The following CTPS1 variants were observed in gnomAD, a reference collection of about 807,000 sequenced individuals.
CTPS1 encodes CTP synthetase 1.
Under a neutral mutation model 80.5 loss-of-function variants are expected in CTPS1, and 25 were observed. That is an observed-to-expected ratio of 0.31 (90% CI 0.23 to 0.43). The LOEUF (loss-of-function observed/expected upper bound fraction) is 0.43, where lower values mean the gene tolerates loss of function less well. CTPS1 is among the 20% of genes least tolerant of loss of function. The pLI is 1.00. For synonymous variants in CTPS1, 267 were observed against 252.5 expected, an observed-to-expected ratio of 1.06 and a Z score of -0.54; for missense variants, 442 against 725.7, an observed-to-expected ratio of 0.61 and a Z score of 4.49.
rs1642941662 is a variant in CTPS1 at position 41,003,015 on chromosome 1, T to A, written c.1190-99T>A. On this transcript the variant is annotated intron_variant, in intron 11 of 18. Transcript: ENST00000650070. The stretch of plus-strand genomic sequence containing the variant: ...AGTTATGAGTTTGCAATTATAATTC[T>A]CCAAATAAAGGACACAAAGGCCATT... 5.2e-6 allele frequency: 6 copies of A among 1,155,090 alleles called. No individual in the cohort carries two copies. The Admixed American group carries it at 9.0e-5, about 17-fold the overall frequency. 71.6% of individuals were successfully genotyped at this position (1,155,090 alleles called of 1,614,324 possible).
chr1:40,986,406 G>A (rs1239699944), intron 3 of CTPS1, among the ~76,000 whole-genome samples: 1 of 152,224 alleles, frequency 6.6e-6, no homozygotes, highest in East Asian at 1.9e-4. Context: ...AGCGGGGGTG[G>A]TAGCCACAGC....
intron 9 of CTPS1, 31 bp downstream of exon 9, chr1:40,997,557 G>A: frequency 6.2e-7 from 1 of 1,609,282 alleles, no homozygotes; most frequent in South Asian, 1.1e-5. Flanking sequence ...ACAGCCAAAG[G>A]ATGAGCAGGG....
intron 10 of CTPS1, chr1:41,001,497 T>C (rs997669210): frequency 4.2e-6 from 1 of 237,542 alleles, no homozygotes; most frequent in Non-Finnish European, 8.2e-6. Context: ...ATTACGGAGG[T>C]GTACACCTTC....
chr1:40,999,528 A>G (rs1421412848), intron 9 of CTPS1, among the ~76,000 whole-genome samples: 1 of 152,210 alleles, frequency 6.6e-6, no homozygotes, highest in Non-Finnish European at 1.5e-5. Context: ...AGTCACAATG[A>G]GATAGTGACA....
intron 10 of CTPS1, 26 bp from the exon 11 acceptor site, chr1:41,002,134 C>G (rs773288990): frequency 3.7e-6 from 6 of 1,606,960 alleles, no homozygotes; most frequent in South Asian, 2.2e-5. Flanking sequence ...AGGGGAATTG[C>G]CTTTGTGGTT....
At chr1:40,993,774 C>CTTTTTTTTTTTTTTTTTTTTTT (rs71278720) in intron 7 of CTPS1, among the ~76,000 whole-genome samples, 1 of 85,772 alleles carries the variant, frequency 1.2e-5, no homozygotes, top group African/African-American at 4.1e-5. Flanking sequence ...TTTCTTCTCT[C>CTTTTTTTTTTTTTTTTTTTTTT]TTTTTTTTTT....
Position 41,007,057 on chromosome 1 carries a change from C to T in CTPS1, c.1297-392C>T, listed in dbSNP as rs1003973787. 6.6e-6 allele frequency among the ~76,000 whole-genome samples: 1 copy of T among 152,204 alleles called. No individual in the cohort carries two copies. The highest frequency in any genetic ancestry group is 1.5e-5 in the Non-Finnish European group (1 of 68,032). ...TGCTTGCTAAGCTGCAGGGTGCTAG[C>T]CCTGCATCCCTTGCCTTTGAGCAGT... On this transcript the variant is annotated intron_variant, in intron 13 of 18. Coordinates refer to ENST00000650070, the MANE Select transcript of CTPS1 (RefSeq NM_001905.4). The surrounding 1 kb of genome is among the most constrained non-coding windows in gnomAD (Gnocchi z 4.4).
Position 41,002,272 on chromosome 1 carries a change from G to A in CTPS1, c.1189+18G>A, listed in dbSNP as rs756598302. Reference sequence around the variant, plus strand: ...TTTTTTGGGTAAGGAGCTCTGCAGTGCAGTCTTCACTTAAGAGTAGGAAAG... The same window carrying A: ...TTTTTTGGGTAAGGAGCTCTGCAGTACAGTCTTCACTTAAGAGTAGGAAAG... On this transcript the variant is annotated intron_variant, in intron 11 of 18. Transcript: ENST00000650070. 1 of 1,603,388 alleles carries A rather than the reference G, an allele frequency of 6.2e-7. No individual in the cohort carries two copies. Among genetic ancestry groups the A allele is most frequent in the Non-Finnish European group, 8.5e-7 (1 of 1,170,444 alleles).
chr1:41,009,601 C>T lies in CTPS1; in HGVS notation c.1691+12C>T. ...AGGCTCTCACCCAGGTAGGCGCACT[C>T]TTTGCTTCAGTAATCCATTAGTCTT... On this transcript the variant is annotated intron_variant, in intron 17 of 18. Transcript: ENST00000650070. The T allele has an allele frequency of 6.2e-7, 1 of 1,613,792 alleles. No individual in the cohort carries two copies. Among genetic ancestry groups the T allele is most frequent in the Non-Finnish European group, 8.5e-7 (1 of 1,179,910 alleles).
chr1:40,986,289 G>C (rs1160735569), intron 3 of CTPS1, among the ~76,000 whole-genome samples: 1 of 152,268 alleles, frequency 6.6e-6, no homozygotes, highest in East Asian at 1.9e-4. Context: ...CACAGCGAGA[G>C]TGGAATGAGA....
chr1:41,001,067 A>G lies in CTPS1; in HGVS notation c.1044A>G (p.Gln348=). ...DSADLEPITS[Q]EEPVRYHEAW... The stretch of plus-strand genomic sequence containing the variant: ...CGGACTTGGAGCCCATCACCTCGCA[A>G]GAAGAGCCCGTGCGCTACCACGAAG... Residue 348 remains glutamine (Q), a synonymous_variant, in exon 10 of 19, where the codon CAA becomes CAG. Coordinates refer to ENST00000650070, the MANE Select transcript of CTPS1 (RefSeq NM_001905.4). The G allele has an allele frequency of 6.2e-7, 1 of 1,612,722 alleles. No homozygotes were observed. The highest frequency in any genetic ancestry group is 8.5e-7 in the Non-Finnish European group (1 of 1,179,526).
chr1:41,006,636 A>G (rs1040988721), intron 13 of CTPS1, among the ~76,000 whole-genome samples: 8 of 152,214 alleles, frequency 5.3e-5, no homozygotes, highest in African/African-American at 1.9e-4. Context: ...TGTTAGGCAC[A>G]TGGAGGAGGG....
intron 7 of CTPS1, among the ~76,000 whole-genome samples, chr1:40,992,406 G>A (rs992161991): frequency 6.6e-6 from 1 of 152,152 alleles, no homozygotes; most frequent in Non-Finnish European, 1.5e-5. Flanking sequence ...AGCTTCTGGA[G>A]GGCAAGGGCC....
intron 1 of CTPS1, 97 bp from the exon 2 acceptor site, chr1:40,983,181 G>A (rs144860512): frequency 1.6e-4 from 159 of 1,019,086 alleles, no homozygotes; most frequent in East Asian, 1.2e-3. Flanking sequence ...CTTCAAGAGG[G>A]TTCATAGCTA....
At chr1:40,980,475 C>T (rs1651830510) in intron 1 of CTPS1, 1 of 152,172 alleles carries the variant, frequency 6.6e-6, no homozygotes, top group African/African-American at 2.4e-5. Context: ...TTGCGTGGCG[C>T]CCTTCCGTCC....
At chr1:41,003,563 G>A (rs560694375) in intron 12 of CTPS1, among the ~76,000 whole-genome samples, 3 of 152,262 alleles carry the variant, frequency 2.0e-5, no homozygotes, top group Admixed American at 6.5e-5. Flanking sequence ...CAACCTTACC[G>A]CTTATGGGTG....
Position 41,001,053 on chromosome 1 carries a change from C to G in CTPS1, c.1030C>G (p.Pro344Ala). ...IKYIDSADLE[P>A]ITSQEEPVRY... ...GTACATAGATTCTGCGGACTTGGAG[C>G]CCATCACCTCGCAAGAAGAGCCCGT... The change falls in exon 10 of 19, where the codon CCC becomes GCC. Residue 344 changes from proline to alanine, a missense_variant. Coordinates refer to ENST00000650070, the MANE Select transcript of CTPS1 (RefSeq NM_001905.4). 1 of 1,612,192 alleles carries G rather than the reference C, an allele frequency of 6.2e-7. No individual in the cohort carries two copies. The highest frequency in any genetic ancestry group is 2.2e-5 in the East Asian group (1 of 44,772).
chr1:40,988,095 G>A (rs1012378385), intron 4 of CTPS1, among the ~76,000 whole-genome samples: 54 of 151,970 alleles, frequency 3.6e-4, no homozygotes, highest in African/African-American at 1.2e-3. Flanking sequence ...TACTTTTTTG[G>A]GAGAGGCAGG....
At chr1:41,005,485 C>G (rs1353779179) in intron 12 of CTPS1, among the ~76,000 whole-genome samples, 1 of 151,758 alleles carries the variant, frequency 6.6e-6, no homozygotes, top group African/African-American at 2.4e-5. Context: ...GATACAGTAT[C>G]TAATTAAAAA....
Sources: gnomAD v4.1 joint callset for allele counts (sites outside exome capture counted in the v4.1 genomes callset) on GRCh38, gnomAD v4.1.1 for gene constraint, Gnocchi (gnomAD v3.1) non-coding constraint, MANE v1.5 for transcripts, NCBI Gene and HGNC (gene_info 2026-07-23, HGNC 2026-07-21) for gene names.